Variants in PCED1B observed in about 807,000 individuals in gnomAD.
PCED1B encodes the protein PC-esterase domain-containing protein 1B.
For missense variants in PCED1B, 573 were observed against 573.9 expected, an observed-to-expected ratio of 1.00 and a Z score of 0.02; for synonymous variants, 251 against 246.1, an observed-to-expected ratio of 1.02 and a Z score of -0.19.
At chr12:47,124,042 A>T (rs1430928096) in intron 2 of PCED1B, among the ~76,000 whole-genome samples, 1 of 152,046 alleles carries the variant, frequency 6.6e-6, no homozygotes, top group Non-Finnish European at 1.5e-5. Flanking sequence ...ATTGACATAC[A>T]ATCAACTGCA....
chr12:47,156,420 G>A (rs1402601485), intron 2 of PCED1B, among the ~76,000 whole-genome samples: 2 of 152,060 alleles, frequency 1.3e-5, no homozygotes, highest in Admixed American at 6.6e-5. Flanking sequence ...CGATACTATT[G>A]GATGAGGCAA....
intron 2 of PCED1B, among the ~76,000 whole-genome samples, chr12:47,144,261 T>C (rs1940704589): frequency 6.6e-6 from 1 of 152,186 alleles, no homozygotes; most frequent in Non-Finnish European, 1.5e-5. Context: ...TAGGAGGCTC[T>C]GGATAGTGAG....
intron 3 of PCED1B, chr12:47,223,651 AG>A (rs1943551930): frequency 6.6e-6 from 1 of 152,250 alleles, no homozygotes; most frequent in Non-Finnish European, 1.5e-5. Flanking sequence ...TGAGCTGCTG[AG>A]GAAGCTTTAC....
intron 3 of PCED1B, among the ~76,000 whole-genome samples, chr12:47,217,543 G>GGAAA (rs1176390810): frequency 2.0e-5 from 3 of 150,716 alleles, no homozygotes; most frequent in African/African-American, 2.4e-5. Flanking sequence ...GAAAAGAAAA[G>GGAAA]GAAAGAAAGA....
rs1422230908 is a variant in PCED1B, at chr12:47,102,424, T to TA, written c.-608-1688dup. Among the ~76,000 whole-genome samples, 6 of 152,376 alleles carry TA rather than the reference T, an allele frequency of 3.9e-5. No homozygotes were observed. In the East Asian group the frequency reaches 1.2e-3, roughly 29 times the overall value. On this transcript the variant is annotated intron_variant, in intron 1 of 3. Transcript: ENST00000546455. ...ATAATAAACTACATTCCCATTCGCC[T>TA]ATCCCTCTACCCCAGTACTGTGTTA...
intron 2 of PCED1B, among the ~76,000 whole-genome samples, chr12:47,153,020 T>C (rs768455662): frequency 6.1e-4 from 92 of 152,008 alleles, no homozygotes; most frequent in Non-Finnish European, 1.2e-3. Flanking sequence ...TATAAGGAAA[T>C]GTAATGATTC....
chr12:47,152,101 C>T (rs956345094), intron 2 of PCED1B, among the ~76,000 whole-genome samples: 1 of 152,066 alleles, frequency 6.6e-6, no homozygotes, highest in Non-Finnish European at 1.5e-5. Context: ...TTGGTAAACA[C>T]TATAGTAATA....
intron 2 of PCED1B, among the ~76,000 whole-genome samples, chr12:47,190,648 G>C (rs10785668): frequency 0.43 from 64,951 of 152,116 alleles, 16,865 homozygotes; most frequent in South Asian, 0.59. Context: ...ATGCTTACTG[G>C]TTTCTGCGTG....
intron 3 of PCED1B, among the ~76,000 whole-genome samples, chr12:47,232,905 T>TCTTA (rs1943851152): frequency 6.9e-6 from 1 of 144,234 alleles, no homozygotes; most frequent in African/African-American, 2.5e-5. Context: ...GACCTAGAAA[T>TCTTA]TTTATTTATT....
At chr12:47,116,617 G>A (rs957521254) in intron 2 of PCED1B, among the ~76,000 whole-genome samples, 1 of 152,164 alleles carries the variant, frequency 6.6e-6, no homozygotes, top group Non-Finnish European at 1.5e-5. Flanking sequence ...TAGGTAGTTA[G>A]ATCATTTGAG....
intron 2 of PCED1B, among the ~76,000 whole-genome samples, chr12:47,126,224 T>C (rs1036342627): frequency 2.6e-5 from 4 of 152,098 alleles, no homozygotes; most frequent in African/African-American, 9.7e-5. Flanking sequence ...TTATAAGGAA[T>C]GCATGTAGGA....
chr12:47,151,085 G>A (rs535005075), intron 2 of PCED1B, among the ~76,000 whole-genome samples: 53 of 150,942 alleles, frequency 3.5e-4, no homozygotes, highest in Non-Finnish European at 6.8e-4. Context: ...CCCCAGAAAA[G>A]CAAAACCAAT....
intron 2 of PCED1B, among the ~76,000 whole-genome samples, chr12:47,121,209 G>A (rs1037704188): frequency 4.6e-5 from 7 of 152,174 alleles, no homozygotes; most frequent in African/African-American, 1.7e-4. Flanking sequence ...TTAAACACAA[G>A]GAAAGAAACA....
At chr12:47,228,543 C>T (rs1943703527) in intron 3 of PCED1B, among the ~76,000 whole-genome samples, 1 of 152,056 alleles carries the variant, frequency 6.6e-6, no homozygotes, top group Admixed American at 6.6e-5. Context: ...TCTATCACAT[C>T]AATATCTTTC....
intron 2 of PCED1B, among the ~76,000 whole-genome samples, chr12:47,205,655 T>C (rs1942888834): frequency 6.6e-6 from 1 of 151,934 alleles, no homozygotes; most frequent in Admixed American, 6.6e-5. Flanking sequence ...TTCTTAGTTG[T>C]AATTTTTGCA....
chr12:47,134,007 T>C (rs1940240828), intron 2 of PCED1B, among the ~76,000 whole-genome samples: 1 of 152,156 alleles, frequency 6.6e-6, no homozygotes, highest in Admixed American at 6.5e-5. Flanking sequence ...GCGTCTGATT[T>C]TGGGCTTCCG....
chr12:47,228,024 T>G (rs1023644718), intron 3 of PCED1B, among the ~76,000 whole-genome samples: 1 of 145,458 alleles, frequency 6.9e-6, no homozygotes, highest in African/African-American at 2.6e-5. Context: ...TCTTCTTCTT[T>G]GTTTTTTCTT....
chr12:47,159,474 T>C (rs1941300739), intron 2 of PCED1B, among the ~76,000 whole-genome samples: 1 of 152,132 alleles, frequency 6.6e-6, no homozygotes, highest in Admixed American at 6.5e-5. Context: ...TTGTGGTTTT[T>C]GTTTGCATTT....
intron 1 of PCED1B, among the ~76,000 whole-genome samples, chr12:47,102,907 A>T (rs1371627959): frequency 6.6e-6 from 1 of 152,172 alleles, no homozygotes. Context: ...GGTGAAGGTA[A>T]TGGTTGCTAT....
Sources: allele counts gnomAD v4.1 joint callset (sites outside exome capture counted in the v4.1 genomes callset), GRCh38; gene constraint gnomAD v4.1.1; transcripts MANE v1.5; gene names NCBI Gene and HGNC (gene_info 2026-07-23, HGNC 2026-07-21).